The following TRPS1 variants were observed in gnomAD, a reference collection of about 807,000 sequenced individuals.
TRPS1 encodes transcriptional repressor GATA binding 1.
Under a neutral mutation model 101.2 loss-of-function variants are expected in TRPS1, and 6 were observed. The observed-to-expected ratio is 0.06, with a 90% CI of 0.03 to 0.12. TRPS1 has a LOEUF of 0.12. Ranked by LOEUF, TRPS1 falls within the 10% of genes least tolerant of loss-of-function variation. The probability of loss-of-function intolerance (pLI) is 1.00; values close to 1 mark genes in which losing one functional copy is unlikely to be tolerated. For synonymous variants in TRPS1, 578 were observed against 589.8 expected, an observed-to-expected ratio of 0.98 and a Z score of 0.29; for missense variants, 1,363 against 1,567.0, an observed-to-expected ratio of 0.87 and a Z score of 2.20.
intron 5 of TRPS1, among the ~76,000 whole-genome samples, chr8:115,483,712 T>G (rs1414427076): frequency 6.6e-6 from 1 of 152,166 alleles, no homozygotes; most frequent in Admixed American, 6.6e-5. Context: ...GGATAGACAC[T>G]GACACTGCAG....
intron 5 of TRPS1, among the ~76,000 whole-genome samples, chr8:115,433,700 G>A (rs1489899536): frequency 6.6e-6 from 1 of 152,088 alleles, no homozygotes; most frequent in African/African-American, 2.4e-5. Flanking sequence ...TTGTAGCACA[G>A]TACTAAACGT....
chr8:115,543,023 T>A (rs76986739), intron 5 of TRPS1, among the ~76,000 whole-genome samples: 1 of 152,064 alleles, frequency 6.6e-6, no homozygotes, highest in Non-Finnish European at 1.5e-5. Context: ...AACCTTGACA[T>A]AAACGATTTC....
chr8:115,420,029 T>G (rs1285133354), intron 5 of TRPS1, among the ~76,000 whole-genome samples: 1 of 152,200 alleles, frequency 6.6e-6, no homozygotes, highest in African/African-American at 2.4e-5. Context: ...GAGCACAAAG[T>G]CAGGCTAACA....
chr8:115,515,174 G>A (rs1029703411), intron 5 of TRPS1: 17 of 685,570 alleles, frequency 2.5e-5, no homozygotes, highest in East Asian at 1.6e-4. Flanking sequence ...AATTCTTTTC[G>A]TTACTCTCCA....
At chr8:115,436,675 A>C (rs961541805) in intron 5 of TRPS1, among the ~76,000 whole-genome samples, 10 of 152,178 alleles carry the variant, frequency 6.6e-5, no homozygotes, top group Non-Finnish European at 5.9e-5. Context: ...AAGTTTCTCA[A>C]ACTCTCATCT....
chr8:115,657,195 C>T (rs973735966), intron 1 of TRPS1, among the ~76,000 whole-genome samples: 12 of 152,026 alleles, frequency 7.9e-5, no homozygotes, highest in African/African-American at 2.7e-4. Flanking sequence ...ATACAAAAAG[C>T]AAACATTCAC....
chr8:115,544,488 C>A (rs751629818), intron 5 of TRPS1, among the ~76,000 whole-genome samples: 4 of 151,944 alleles, frequency 2.6e-5, no homozygotes, highest in Non-Finnish European at 5.9e-5. Flanking sequence ...ATACCTAACA[C>A]CACAGTGTGC....
At chr8:115,662,762 G>A (rs1811832962) in intron 1 of TRPS1, among the ~76,000 whole-genome samples, 1 of 149,864 alleles carries the variant, frequency 6.7e-6, no homozygotes, top group African/African-American at 2.5e-5. Flanking sequence ...ATCTAAAATT[G>A]TAAGAAAAAA....
chr8:115,525,858 T>C (rs1037182261), intron 5 of TRPS1, among the ~76,000 whole-genome samples: 3 of 152,206 alleles, frequency 2.0e-5, no homozygotes, highest in African/African-American at 7.2e-5. Context: ...AGTGGAAATC[T>C]ATACAGGATT....
chr8:115,540,954 T>G (rs1302829137), intron 5 of TRPS1, among the ~76,000 whole-genome samples: 4 of 152,146 alleles, frequency 2.6e-5, no homozygotes, highest in Non-Finnish European at 5.9e-5. Flanking sequence ...TGATACATTT[T>G]TATTAAATCT....
intron 1 of TRPS1, among the ~76,000 whole-genome samples, chr8:115,652,421 A>G (rs544695737): frequency 1.5e-4 from 23 of 152,352 alleles, no homozygotes; most frequent in African/African-American, 5.1e-4. Flanking sequence ...GAAACAGAAC[A>G]AACTCCGTAT....
At chr8:115,482,006 C>A (rs1193219486) in intron 5 of TRPS1, among the ~76,000 whole-genome samples, 2 of 152,092 alleles carry the variant, frequency 1.3e-5, no homozygotes, top group Non-Finnish European at 2.9e-5. Context: ...CTGTCCCTTG[C>A]AAAATGCTAA....
At position 115,475,692 on chromosome 8, in the gene TRPS1, C is replaced by T. The variant is rs960036139; in HGVS notation, c.2701-57240G>A. On this transcript the variant is annotated intron_variant, in intron 5 of 6. Transcript: ENST00000395715. ...ATCTCGTTTAGCAGTGCTATCTCGACGATTACAATTTAATACCAGGAATGT... is the reference window on the plus strand; with the variant it reads ...ATCTCGTTTAGCAGTGCTATCTCGATGATTACAATTTAATACCAGGAATGT... 5.1e-5 allele frequency among the ~76,000 whole-genome samples: 7 copies of T among 137,402 alleles called. No individual in the cohort carries two copies. In the East Asian group the frequency reaches 7.7e-4, roughly 15 times the overall value. 90.1% of individuals were successfully genotyped at this position (137,402 alleles called of 152,430 possible). A position where few individuals can be genotyped will look rare whatever the true frequency, so the allele number is the denominator to read the frequency against.
At chr8:115,535,026 C>T (rs1320409666) in intron 5 of TRPS1, among the ~76,000 whole-genome samples, 1 of 145,856 alleles carries the variant, frequency 6.9e-6, no homozygotes, top group Non-Finnish European at 1.5e-5. Flanking sequence ...TATATATAAG[C>T]ATATATATAT....
intron 5 of TRPS1, among the ~76,000 whole-genome samples, chr8:115,500,031 T>C (rs1430730691): frequency 6.6e-6 from 1 of 151,820 alleles, no homozygotes; most frequent in East Asian, 1.9e-4. Context: ...TAACTTTTCT[T>C]TTCTTTCCTT....
At chr8:115,549,517 G>A (rs563050346) in intron 5 of TRPS1, among the ~76,000 whole-genome samples, 7 of 152,070 alleles carry the variant, frequency 4.6e-5, no homozygotes, top group Non-Finnish European at 7.4e-5. Context: ...TATCAAAGAT[G>A]GACGATTAGT....
chr8:115,638,534 A>G (rs940381048), intron 1 of TRPS1, among the ~76,000 whole-genome samples: 25 of 152,206 alleles, frequency 1.6e-4, no homozygotes. Flanking sequence ...GACCTCACAG[A>G]AAAGGTGTGG....
intron 5 of TRPS1, among the ~76,000 whole-genome samples, chr8:115,581,622 A>C (rs867584249): frequency 6.6e-6 from 1 of 152,200 alleles, no homozygotes; most frequent in South Asian, 2.1e-4. Flanking sequence ...CTCATTAATC[A>C]AACTAATAAA....
intron 5 of TRPS1, among the ~76,000 whole-genome samples, chr8:115,443,579 G>T (rs1049517812): frequency 1.3e-5 from 2 of 152,140 alleles, no homozygotes; most frequent in Non-Finnish European, 2.9e-5. Context: ...GAGCCTGCTG[G>T]TCTGGGTTCA....
Sources: gnomAD v4.1 joint callset for allele counts (sites outside exome capture counted in the v4.1 genomes callset) on GRCh38, gnomAD v4.1.1 for gene constraint, MANE v1.5 for transcripts, NCBI Gene and HGNC (gene_info 2026-07-23, HGNC 2026-07-21) for gene names.